The following STOML3 variants were observed in gnomAD, a reference collection of about 807,000 sequenced individuals.
STOML3 encodes the protein stomatin-like protein 3.
STOML3 carries 31 observed loss-of-function variants against 29.5 expected under a neutral mutation model. The observed-to-expected ratio is 1.05, with a 90% confidence interval of 0.79 to 1.42. The LOEUF is 1.42. STOML3 is among the 40% of genes most tolerant of loss of function. The pLI is 0.00. For missense variants in STOML3, 380 were observed against 363.0 expected, an observed-to-expected ratio of 1.05 and a Z score of -0.38; for synonymous variants, 122 against 139.8, an observed-to-expected ratio of 0.87 and a Z score of 0.90.
intron 4 of STOML3, 113 bp from the exon 5 acceptor site, chr13:38,970,501 C>T: frequency 1.2e-6 from 1 of 826,500 alleles, no homozygotes. Flanking sequence ...AACGACAACT[C>T]ATGCTACAGT....
chr13:38,980,480 T>C (rs909531951), intron 1 of STOML3, among the ~76,000 whole-genome samples: 6 of 152,166 alleles, frequency 3.9e-5, no homozygotes, highest in Admixed American at 2.0e-4. Flanking sequence ...TATTATTAAA[T>C]ACAGAGTTCT....
chr13:38,988,136 TC>T, intron 1 of STOML3, among the ~76,000 whole-genome samples: 1 of 96,620 alleles, frequency 1.0e-5, no homozygotes, highest in African/African-American at 4.5e-5. Flanking sequence ...ATATTTTATA[TC>T]ATATATTTTA....
chr13:38,977,861 G>A (rs1009433185), intron 1 of STOML3, among the ~76,000 whole-genome samples: 2 of 144,426 alleles, frequency 1.4e-5, no homozygotes, highest in South Asian at 2.3e-4. Flanking sequence ...CCGGGTTCGC[G>A]CCATTCTCCT....
chr13:38,984,958 CA>C (rs1248113587), intron 1 of STOML3, among the ~76,000 whole-genome samples: 5 of 152,102 alleles, frequency 3.3e-5, no homozygotes, highest in African/African-American at 9.7e-5. Context: ...GGGTGATGTT[CA>C]GCAACATAAT....
chr13:38,970,451 C>A, intron 4 of STOML3, 63 bp from the exon 5 acceptor site: 1 of 1,414,958 alleles, frequency 7.1e-7, no homozygotes, highest in Non-Finnish European at 9.9e-7. Context: ...GACAAAGTGA[C>A]AGCCAGCCCA....
chr13:38,971,987 T>G (rs1220347734), intron 4 of STOML3, among the ~76,000 whole-genome samples: 4 of 152,084 alleles, frequency 2.6e-5, no homozygotes, highest in Non-Finnish European at 1.5e-5. Flanking sequence ...AAGTGGGCCC[T>G]GTACAGCCTC....
intron 5 of STOML3, 25 bp downstream of exon 5, chr13:38,970,160 G>C (rs776330289): frequency 1.1e-5 from 17 of 1,592,788 alleles, no homozygotes; most frequent in Middle Eastern, 4.1e-4. Flanking sequence ...TAAAGATACA[G>C]GCTATTAGTT....
chr13:38,987,959 TATATA>T (rs1208251600), intron 1 of STOML3, among the ~76,000 whole-genome samples: 1 of 85,784 alleles, frequency 1.2e-5, no homozygotes, highest in Non-Finnish European at 1.9e-5. Context: ...TATTATATTT[TATATA>T]ATATATTATA....
At chr13:38,979,901 T>TAGC in intron 1 of STOML3, 1 of 745,866 alleles carries the variant, frequency 1.3e-6, no homozygotes. Context: ...GGGCTATGAC[T>TAGC]AGCAGCACAG....
In STOML3 at chr13:38,967,700, G is replaced by A. The variant is rs78530233; in HGVS notation, c.652-651C>T. On this transcript the variant is annotated intron_variant, in intron 6 of 6. Coordinates refer to ENST00000379631, the MANE Select transcript of STOML3 (RefSeq NM_145286.3). ...ATTGCCGAGTCCCTTCCTGGAAGCT[G>A]CTGGAGCTTAGCAGATAAACCAGAT... 4.6e-5 allele frequency among the ~76,000 whole-genome samples: 7 copies of A among 152,302 alleles called. No individual in the cohort carries two copies. The East Asian group carries it at 1.4e-3, about 29-fold the overall frequency.
At chr13:38,988,168 A>ATTT (rs1868721006) in intron 1 of STOML3, among the ~76,000 whole-genome samples, 4 of 92,010 alleles carry the variant, frequency 4.3e-5, no homozygotes, top group African/African-American at 2.1e-4. Flanking sequence ...TTTATATATA[A>ATTT]TATATTATAT....
At position 38,990,561 on chromosome 13, in the gene STOML3, G is replaced by A. The variant is rs1055737080; in HGVS notation, c.52+109C>T. On this transcript the variant is annotated intron_variant, in intron 1 of 6. Transcript: ENST00000379631. Reference sequence around the variant, plus strand: ...CTGGGCTATAAATGAAATTGAGGCCGATTTCTGCAAATATATCTCATACTT... The same window carrying A: ...CTGGGCTATAAATGAAATTGAGGCCAATTTCTGCAAATATATCTCATACTT... 1.1e-5 allele frequency: 12 copies of A among 1,074,726 alleles called. No homozygotes were observed. The South Asian group carries it at 1.4e-4, about 12-fold the overall frequency. The allele number at this position is 1,074,726 out of a possible 1,614,324, so 66.6% of individuals were successfully genotyped here. A position where few individuals can be genotyped will look rare whatever the true frequency, so the allele number is the denominator to read the frequency against.
rs1880677029 is a variant in STOML3 at position 38,966,974 on chromosome 13, T to C, written c.727A>G (p.Ile243Val). ...TGCAGGTAGCGCAGCTGGAGAGCTATGGGAGACTCAGCCAGCACCATGGAG... is the reference window on the plus strand; with the variant it reads ...TGCAGGTAGCGCAGCTGGAGAGCTACGGGAGACTCAGCCAGCACCATGGAG... ...SASMVLAESP[I>V]ALQLRYLQTL... Residue 243 changes from isoleucine to valine, a missense_variant, in exon 7 of 7, where the codon ATA (isoleucine) becomes GTA (valine). Physicochemically the swap from Ile to Val is conservative, Grantham distance 29. Transcript: ENST00000379631. The C allele has an allele frequency of 6.2e-7, 1 of 1,614,168 alleles. No individual in the cohort carries two copies. Among genetic ancestry groups the C allele is most frequent in the East Asian group, 2.2e-5 (1 of 44,874 alleles).
At chr13:38,978,045 C>G (rs1881149651) in intron 1 of STOML3, among the ~76,000 whole-genome samples, 1 of 152,106 alleles carries the variant, frequency 6.6e-6, no homozygotes, top group African/African-American at 2.4e-5. Flanking sequence ...CAGGCGTGAG[C>G]CACCGCGCCC....
At chr13:38,984,177 G>A (rs1478256258) in intron 1 of STOML3, among the ~76,000 whole-genome samples, 1 of 152,146 alleles carries the variant, frequency 6.6e-6, no homozygotes, top group African/African-American at 2.4e-5. Context: ...TGGTCTTTCA[G>A]TGTGGGTCTA....
At chr13:38,986,035 GTTT>G (rs371208112) in intron 1 of STOML3, among the ~76,000 whole-genome samples, 1 of 70,676 alleles carries the variant, frequency 1.4e-5, no homozygotes. Flanking sequence ...TATTTACCTG[GTTT>G]TTTTTTTTTT....
chr13:38,970,499 C>T (rs1880824028), intron 4 of STOML3, 111 bp from the exon 5 acceptor site: 1 of 852,738 alleles, frequency 1.2e-6, no homozygotes, highest in South Asian at 1.6e-5. Flanking sequence ...GTAACGACAA[C>T]TCATGCTACA....
rs765088230 is a variant in STOML3 at position 38,976,844 on chromosome 13, A to G, written c.53-47T>C. 3.3e-6 allele frequency: 5 copies of G among 1,535,268 alleles called. 1 individual carries two copies. In the South Asian group the frequency reaches 5.8e-5, roughly 18 times the overall value. On this transcript the variant is annotated intron_variant, in intron 1 of 6. Coordinates refer to ENST00000379631, the MANE Select transcript of STOML3 (RefSeq NM_145286.3). ...AATATGTGATCAATGTGGTTATTAA[A>G]AAAGCCACCCAGCTGCATGGGTGTG...
chr13:38,984,298 G>A (rs1442108708), intron 1 of STOML3, among the ~76,000 whole-genome samples: 3 of 152,118 alleles, frequency 2.0e-5, no homozygotes, highest in African/African-American at 4.8e-5. Flanking sequence ...ACAGGTCTTT[G>A]TGTTCCTCAG....
Sources: allele counts gnomAD v4.1 joint callset (sites outside exome capture counted in the v4.1 genomes callset), GRCh38; gene constraint gnomAD v4.1.1; transcripts MANE v1.5; gene names NCBI Gene and HGNC (gene_info 2026-07-23, HGNC 2026-07-21).